The following IPO8 variants were observed in gnomAD, a reference collection of about 807,000 sequenced individuals.
The protein encoded by IPO8 is importin 8.
IPO8 carries 65 observed loss-of-function variants against 141.2 expected under a neutral mutation model. The ratio of observed to expected loss-of-function variants is 0.46; its 90% CI spans 0.38 to 0.57. The LOEUF (loss-of-function observed/expected upper bound fraction) is 0.57. IPO8 is among the 20% of genes least tolerant of loss of function. The pLI is 0.00. For missense variants in IPO8, 980 were observed against 1,246.8 expected, an observed-to-expected ratio of 0.79 and a Z score of 3.22; for synonymous variants, 411 against 420.3, an observed-to-expected ratio of 0.98 and a Z score of 0.27.
At chr12:30,650,404 T>C (rs984473539) in intron 19 of IPO8, among the ~76,000 whole-genome samples, 5 of 151,874 alleles carry the variant, frequency 3.3e-5, no homozygotes, top group African/African-American at 1.2e-4. Flanking sequence ...AGCTGGAAAA[T>C]AGTGAGCTGA....
chr12:30,685,975 A>G (rs1425559380), intron 2 of IPO8, among the ~76,000 whole-genome samples: 1 of 152,022 alleles, frequency 6.6e-6, no homozygotes, highest in Admixed American at 6.5e-5. Context: ...TACATTCTAC[A>G]TTAGCTAAAA....
intron 13 of IPO8, among the ~76,000 whole-genome samples, chr12:30,664,874 G>A (rs1429492837): frequency 6.6e-6 from 1 of 152,096 alleles, no homozygotes; most frequent in Non-Finnish European, 1.5e-5. Context: ...CTAGTAGCTG[G>A]GATAACAGGC....
intron 21 of IPO8, among the ~76,000 whole-genome samples, chr12:30,638,415 C>G (rs986215620): frequency 6.6e-6 from 1 of 152,158 alleles, no homozygotes; most frequent in South Asian, 2.1e-4. Context: ...TCCTAACGCC[C>G]CACCCTAATC....
chr12:30,695,862 C>T lies in IPO8; in HGVS notation c.-215G>A, dbSNP rs1255964228. ...CCCCCACAACTCGCTCTCCATTCAC[C>T]GTTTTACGACAGCCGGTGGGAGGCG... On this transcript the variant is annotated 5_prime_UTR_variant, in exon 1 of 25. Transcript: ENST00000256079. The surrounding 1 kb of genome is among the most constrained non-coding windows in gnomAD (Gnocchi z 4.2). The T allele has an allele frequency of 1.8e-5, 9 of 497,784 alleles. No individual in the cohort carries two copies. Among genetic ancestry groups the T allele is most frequent in the South Asian group, 5.5e-5 (2 of 36,562 alleles). The allele number at this position is 497,784 out of a possible 1,614,324, so 30.8% of individuals were successfully genotyped here.
chr12:30,658,974 G>C (rs1006961342), intron 16 of IPO8, among the ~76,000 whole-genome samples: 1 of 142,102 alleles, frequency 7.0e-6, no homozygotes, highest in South Asian at 2.3e-4. Flanking sequence ...TCCGCCTCCC[G>C]GGTTCATGCC....
At chr12:30,633,465 A>C (rs1016930894) in intron 23 of IPO8, among the ~76,000 whole-genome samples, 2 of 152,230 alleles carry the variant, frequency 1.3e-5, no homozygotes, top group African/African-American at 4.8e-5. Flanking sequence ...TTATTCTGTA[A>C]ATTTTCCATT....
Position 30,634,161 on chromosome 12 carries a change from C to A in IPO8, c.2821G>T (p.Ala941Ser), listed in dbSNP as rs749525802. 5 of 1,613,976 alleles carry A rather than the reference C, an allele frequency of 3.1e-6. No individual in the cohort carries two copies. The highest frequency in any genetic ancestry group is 1.3e-5 in the African/African-American group (1 of 75,040). ...DWDEEVLEET[A>S]LEGFSTPLDL... ...AGTGGAGTACTGAACCCCTCAAGCG[C>A]GGTTTCTTCCAATACTTCTTCATCC... Residue 941 changes from alanine to serine, a missense_variant, in exon 23 of 25, where the codon GCG becomes TCG. Transcript: ENST00000256079.
chr12:30,656,021 C>T (rs376826061), intron 17 of IPO8, among the ~76,000 whole-genome samples: 2 of 152,090 alleles, frequency 1.3e-5, no homozygotes, highest in East Asian at 1.9e-4. Context: ...AAGTCAGGTA[C>T]CATAATAGAT....
chr12:30,642,708 G>T (rs1456673733), intron 20 of IPO8, among the ~76,000 whole-genome samples: 1 of 151,654 alleles, frequency 6.6e-6, no homozygotes, highest in Non-Finnish European at 1.5e-5. Context: ...GTATAGCAAT[G>T]AATATCCCCT....
intron 10 of IPO8, 55 bp downstream of exon 10, chr12:30,669,124 TTTAG>T: frequency 1.5e-6 from 1 of 689,622 alleles, no homozygotes; most frequent in Non-Finnish European, 2.4e-6. Context: ...AAAATATAAA[TTTAG>T]TTATATTACT....
intron 8 of IPO8, among the ~76,000 whole-genome samples, chr12:30,671,661 C>T (rs1198670408): frequency 4.3e-5 from 5 of 115,266 alleles, no homozygotes; most frequent in East Asian, 2.7e-4. Context: ...GGTGATAGAG[C>T]GAGACTCTGC....
At position 30,629,953 on chromosome 12, in the gene IPO8, G is replaced by A. The variant is rs1388468835; in HGVS notation, c.*907C>T. 1 of 152,172 alleles carries A rather than the reference G, an allele frequency of 6.6e-6. No homozygotes were observed. The allele number at this position is 152,172 out of a possible 1,614,324, so 9.4% of individuals were successfully genotyped here. ...AAGTCCCCATCCAGAAAGACAGTGTGCTTACGTAGCACCTGTCTCTTAGAA... is the reference window on the plus strand; with the variant it reads ...AAGTCCCCATCCAGAAAGACAGTGTACTTACGTAGCACCTGTCTCTTAGAA... On this transcript the variant is annotated 3_prime_UTR_variant, in exon 25 of 25. Coordinates refer to ENST00000256079, the MANE Select transcript of IPO8 (RefSeq NM_006390.4).
At chr12:30,687,879 G>T (rs940763990) in intron 2 of IPO8, among the ~76,000 whole-genome samples, 18 of 152,002 alleles carry the variant, frequency 1.2e-4, no homozygotes, top group African/African-American at 3.9e-4. Context: ...CAAACAAAAA[G>T]AAACAACAAG....
chr12:30,649,260 G>GT (rs1335817702), intron 19 of IPO8, 28 bp from the exon 20 acceptor site: 2 of 1,525,966 alleles, frequency 1.3e-6, no homozygotes, highest in African/African-American at 2.7e-5. Flanking sequence ...TAGCTCAGCA[G>GT]TAAGTGGCAC....
chr12:30,691,573 A>G lies in IPO8; in HGVS notation c.85-996T>C, dbSNP rs375691529. Among the ~76,000 whole-genome samples the G allele has an allele frequency of 1.8e-4, 27 of 152,190 alleles. No homozygotes were observed. In the East Asian group the frequency reaches 2.5e-3, roughly 14 times the overall value. ...ATATTACAGTCCTGTCACATTCCAGAGTCCACATATGCCTTTGTCCACTGA... is the reference window on the plus strand; with the variant it reads ...ATATTACAGTCCTGTCACATTCCAGGGTCCACATATGCCTTTGTCCACTGA... On this transcript the variant is annotated intron_variant, in intron 1 of 24. Coordinates refer to ENST00000256079, the MANE Select transcript of IPO8 (RefSeq NM_006390.4).
Position 30,654,219 on chromosome 12 carries a change from T to G in IPO8, c.1949-1127A>C, listed in dbSNP as rs186965659. 2.8e-4 allele frequency among the ~76,000 whole-genome samples: 42 copies of G among 151,938 alleles called. 1 individual carries two copies. In the East Asian group the frequency reaches 7.9e-3, roughly 29 times the overall value. ...AATCTACTTGAAATTAATTAAATAC[T>G]TAAGCTCTAAGATCTGACATGATAA... On this transcript the variant is annotated intron_variant, in intron 17 of 24. Coordinates refer to ENST00000256079, the MANE Select transcript of IPO8 (RefSeq NM_006390.4).
intron 20 of IPO8, among the ~76,000 whole-genome samples, chr12:30,644,649 T>G (rs113067021): frequency 0.013 from 431 of 32,266 alleles, 1 homozygote; most frequent in African/African-American, 0.073. Flanking sequence ...TGTTTTTTTT[T>G]TTTGTTTTTT....
In IPO8 at chr12:30,637,134, T is replaced by G; in HGVS notation, c.2543A>C (p.Gln848Pro). 1 of 1,613,934 alleles carries G rather than the reference T, an allele frequency of 6.2e-7. No homozygotes were observed. Among genetic ancestry groups the G allele is most frequent in the Non-Finnish European group, 8.5e-7 (1 of 1,179,966 alleles). ...AGCATCTACTGCAGGAGGTCGATTT[T>G]GCAATTCCAAAAGGATACTCAGTCC... ...IIGLSILLELQNRPPAVDAVV... is the reference protein window; with the variant it reads ...IIGLSILLELPNRPPAVDAVV... Residue 848 changes from glutamine to proline, a missense_variant, in exon 22 of 25, where the codon CAA becomes CCA. By Grantham distance (76) the Gln-to-Pro change is moderately conservative. This residue lies in a region of IPO8 where 924 missense variants were observed against 1,153.9 expected (regional missense o/e 0.80). Coordinates refer to ENST00000256079, the MANE Select transcript of IPO8 (RefSeq NM_006390.4).
chr12:30,635,858 T>C (rs2052494220), intron 22 of IPO8, among the ~76,000 whole-genome samples: 1 of 151,994 alleles, frequency 6.6e-6, no homozygotes, highest in Non-Finnish European at 1.5e-5. Flanking sequence ...CATACTTTAG[T>C]AGGAAGTACA....
Sources: allele counts gnomAD v4.1 joint callset (sites outside exome capture counted in the v4.1 genomes callset), GRCh38; gene constraint gnomAD v4.1.1; regional missense constraint gnomAD v4.1.1; non-coding constraint Gnocchi (gnomAD v3.1); transcripts MANE v1.5; gene names NCBI Gene and HGNC (gene_info 2026-07-23, HGNC 2026-07-21).